Variants in HMCN2 observed in about 807,000 individuals in gnomAD.
HMCN2 encodes the protein hemicentin-2.
HMCN2 carries 325 observed loss-of-function variants against 377.5 expected under a neutral mutation model. That is an observed-to-expected ratio of 0.86 (90% CI 0.79 to 0.94). The LOEUF (loss-of-function observed/expected upper bound fraction) is 0.94. HMCN2 is among the 40% of genes least tolerant of loss of function. The probability of loss-of-function intolerance (pLI) is 0.00; values close to 1 mark genes in which losing one functional copy is unlikely to be tolerated. For missense variants in HMCN2, 4,543 were observed against 4,725.3 expected (o/e 0.96, Z 1.13); for synonymous variants, 2,007 against 2,046.8 (o/e 0.98, Z 0.53).
rs375618555 is a variant in HMCN2 at position 130,393,003 on chromosome 9, CAA to C, written c.10137-198_10137-197del. Among the ~76,000 whole-genome samples the C allele has an allele frequency of 1.5e-5, 2 of 137,006 alleles. No homozygotes were observed. The highest frequency in any genetic ancestry group is 7.3e-5 in the Admixed American group (1 of 13,608). 89.9% of individuals were successfully genotyped at this position (137,006 alleles called of 152,430 possible). ...AGAGTGAGACACCATCTCACCATCT[CAA>C]AAAAAAAAAAGAAAAAGAGAGAGTT... On this transcript the variant is annotated intron_variant, in intron 66 of 97. Transcript: ENST00000683500. The surrounding 1 kb of genome is among the most constrained non-coding windows in gnomAD (Gnocchi z 5.2).
intron 43 of HMCN2, among the ~76,000 whole-genome samples, chr9:130,367,941 C>CAAAAA (rs10565235): frequency 1.3e-5 from 1 of 75,500 alleles, no homozygotes; most frequent in Non-Finnish European, 2.5e-5. Context: ...GACTCTGTCT[C>CAAAAA]AAAAAAAAAA....
chr9:130,356,433 C>G (rs1246291412), intron 34 of HMCN2, among the ~76,000 whole-genome samples, 176 bp downstream of exon 34: 1 of 152,198 alleles, frequency 6.6e-6, no homozygotes, highest in African/African-American at 2.4e-5. Context: ...GGCCGGGCCA[C>G]TTATCACACT....
At chr9:130,328,354 A>G (rs1838257710) in intron 22 of HMCN2, among the ~76,000 whole-genome samples, 1 of 152,108 alleles carries the variant, frequency 6.6e-6, no homozygotes, top group Non-Finnish European at 1.5e-5. Context: ...CAGCTCCCCT[A>G]GAAAGCCCGG....
Position 130,375,575 on chromosome 9 carries a change from T to C in HMCN2, c.7643T>C (p.Ile2548Thr), listed in dbSNP as rs1841330052. The C allele has an allele frequency of 1.0e-6, 1 of 985,704 alleles. No individual in the cohort carries two copies. The highest frequency in any genetic ancestry group is 4.7e-5 in the South Asian group (1 of 21,286). The allele number at this position is 985,704 out of a possible 1,614,324, so 61.1% of individuals were successfully genotyped here. A position where few individuals can be genotyped will look rare whatever the true frequency, so the allele number is the denominator to read the frequency against. The change falls in exon 50 of 98, where the codon ATC becomes ACC. Residue 2548 changes from isoleucine (I) to threonine (T), a missense_variant. Coordinates refer to ENST00000683500, the MANE Select transcript of HMCN2 (RefSeq NM_001291815.2). ...CCCCCCATCACAGTGGCTCCCACCA[T>C]CCTGGGAGGGGCCGAGGACAGTGCA... ...FQLSVLLAPT[I>T]LGGAEDSADE...
intron 81 of HMCN2, among the ~76,000 whole-genome samples, chr9:130,405,351 A>G (rs1843041995): frequency 6.6e-6 from 1 of 152,204 alleles, no homozygotes; most frequent in Non-Finnish European, 1.5e-5. Flanking sequence ...CTGAAAGTCT[A>G]CCCAGTTGTT....
chr9:130,372,116 C>A (rs189474589), intron 46 of HMCN2, among the ~76,000 whole-genome samples, 178 bp from the exon 47 acceptor site: 1 of 152,356 alleles, frequency 6.6e-6, no homozygotes, highest in African/African-American at 2.4e-5. Context: ...CAGGCAGTTC[C>A]ATCCATTTGT....
chr9:130,373,116 A>G lies in HMCN2; in HGVS notation c.7430A>G (p.Asn2477Ser), dbSNP rs897503159. Reference sequence around the variant, plus strand: ...GGACAGACTGCCCATCTTATGTGCAACGTCACAGGTAAGGGCCACATGATG... The same window carrying G: ...GGACAGACTGCCCATCTTATGTGCAGCGTCACAGGTAAGGGCCACATGATG... ...LDGQTAHLMC[N>S]VTGHPQPKLT... is the part of the protein sequence containing the mutation. The change falls in exon 48 of 98, where the codon AAC (asparagine) becomes AGC (serine). Residue 2477 changes from asparagine to serine, a missense_variant. By Grantham distance (46) the Asn-to-Ser change is conservative (BLOSUM62 1). Coordinates refer to ENST00000683500, the MANE Select transcript of HMCN2 (RefSeq NM_001291815.2). 12 of 981,370 alleles carry G rather than the reference A, an allele frequency of 1.2e-5. No individual in the cohort carries two copies. The highest frequency in any genetic ancestry group is 1.2e-5 in the Non-Finnish European group (10 of 826,240). 60.8% of individuals were successfully genotyped at this position (981,370 alleles called of 1,614,324 possible).
At chr9:130,431,087 G>A (rs1480460539) in intron 95 of HMCN2, 3 of 535,636 alleles carry the variant, frequency 5.6e-6, no homozygotes, top group South Asian at 2.3e-5. Context: ...CAGGGCTGAT[G>A]CCTCGGCATT....
In HMCN2 at chr9:130,330,355, C is replaced by T. The variant is rs968807611; in HGVS notation, c.3359+2880C>T. ...AGATGTGCTGAGCCTCTGCGGCCCC[C>T]TCCATTCCCCTTGTCCAGGGGTGGC... On this transcript the variant is annotated intron_variant, in intron 22 of 97. Transcript: ENST00000683500. Among the ~76,000 whole-genome samples, 776 of 152,288 alleles carry T rather than the reference C, an allele frequency of 5.1e-3. 13 individuals carry two copies. The highest frequency in any genetic ancestry group is 0.017 in the African/African-American group (722 of 41,566).
At position 130,397,108 on chromosome 9, in the gene HMCN2, T is replaced by A. The variant is rs1434844787; in HGVS notation, c.11199-420T>A. On this transcript the variant is annotated intron_variant, in intron 73 of 97. Coordinates refer to ENST00000683500, the MANE Select transcript of HMCN2 (RefSeq NM_001291815.2). ...AAAGACATACCTGAGACTGGGCAATTTACAAAAGAAAGAGGTTTATTGGAC... is the reference window on the plus strand; with the variant it reads ...AAAGACATACCTGAGACTGGGCAATATACAAAAGAAAGAGGTTTATTGGAC... 3.9e-5 allele frequency among the ~76,000 whole-genome samples: 6 copies of A among 152,260 alleles called. No individual in the cohort carries two copies. The East Asian group carries it at 1.2e-3, about 29-fold the overall frequency.
chr9:130,423,876 A>G lies in HMCN2; in HGVS notation c.13382-900A>G, dbSNP rs1312376571. Among the ~76,000 whole-genome samples the G allele has an allele frequency of 1.3e-5, 2 of 152,226 alleles. No homozygotes were observed. Among genetic ancestry groups the G allele is most frequent in the African/African-American group, 4.8e-5 (2 of 41,454 alleles). On this transcript the variant is annotated intron_variant, in intron 87 of 97. Coordinates refer to ENST00000683500, the MANE Select transcript of HMCN2 (RefSeq NM_001291815.2). The surrounding 1 kb of genome is among the most constrained non-coding windows in gnomAD (Gnocchi z 5.5). ...TGGTTCACTTCAACTCAGCAAATATATAATGACAGTCTGTGGAGTCCCTGG... is the reference window on the plus strand; with the variant it reads ...TGGTTCACTTCAACTCAGCAAATATGTAATGACAGTCTGTGGAGTCCCTGG...
intron 15 of HMCN2, among the ~76,000 whole-genome samples, chr9:130,312,486 T>C (rs1374110783): frequency 2.7e-5 from 4 of 146,622 alleles, no homozygotes; most frequent in Non-Finnish European, 6.0e-5. Flanking sequence ...CCTTTCTTTC[T>C]CTCTCTCTCT....
At chr9:130,417,980 G>A (rs2131781789) in intron 85 of HMCN2, among the ~76,000 whole-genome samples, 1 of 152,302 alleles carries the variant, frequency 6.6e-6, no homozygotes, top group Admixed American at 6.5e-5. Context: ...AAGTGGACAG[G>A]AAGCATCATC....
intron 77 of HMCN2, among the ~76,000 whole-genome samples, chr9:130,401,978 G>T (rs1221983695): frequency 6.6e-6 from 1 of 152,200 alleles, no homozygotes; most frequent in Non-Finnish European, 1.5e-5. Flanking sequence ...TTGGGAGGCT[G>T]AGGTGGGAGG....
Position 130,360,558 on chromosome 9 carries a change from CA to C in HMCN2, c.5906del (p.Asn1969MetfsTer38). 7.7e-7 allele frequency: 1 copy of C among 1,304,168 alleles called. No homozygotes were observed. Among genetic ancestry groups the C allele is most frequent in the Non-Finnish European group, 1.0e-6 (1 of 988,880 alleles). The allele number at this position is 1,304,168 out of a possible 1,614,324, so 80.8% of individuals were successfully genotyped here. A position where few individuals can be genotyped will look rare whatever the true frequency, so the allele number is the denominator to read the frequency against. On this transcript the variant is annotated frameshift_variant, in exon 38 of 98. Transcript: ENST00000683500. LOFTEE classifies it high-confidence loss of function. This position sits in a 1 kb window ranked among gnomAD's most constrained non-coding sequence, Gnocchi z 4.7. ...DAGSYRCVAS[N>X]VAGSTELRYG... ...CTGGGAGCTACCGCTGTGTGGCATC[CA>C]ATGTGGCAGGTAGCACAGAGCTGCG... is the stretch of plus-strand genomic sequence containing the variant.
In HMCN2 at chr9:130,385,603, G is replaced by A. The variant is rs1008862083; in HGVS notation, c.9150G>A (p.Ala3050=). The A allele has an allele frequency of 4.4e-5, 57 of 1,304,104 alleles. No homozygotes were observed. The highest frequency in any genetic ancestry group is 5.8e-5 in the Non-Finnish European group (57 of 988,916). The allele number at this position is 1,304,104 out of a possible 1,614,324, so 80.8% of individuals were successfully genotyped here. A position where few individuals can be genotyped will look rare whatever the true frequency, so the allele number is the denominator to read the frequency against. Residue 3050 remains alanine (A), a synonymous_variant, in exon 60 of 98, where the codon GCG becomes GCA. Transcript: ENST00000683500. ...FRQAPRGPQD[A]VLVRVGDKAV... ...AGGCTCCCAGAGGTCCCCAGGATGC[G>A]GTCCTGGTGAGGGTCGGGGACAAAG...
intron 85 of HMCN2, among the ~76,000 whole-genome samples, chr9:130,413,631 T>C (rs1843532724): frequency 6.6e-6 from 1 of 152,188 alleles, no homozygotes; most frequent in South Asian, 2.1e-4. Context: ...AGGAGCAGCA[T>C]GGTGGTGAAT....
chr9:130,407,599 C>T lies in HMCN2; in HGVS notation c.12582C>T (p.Ser4194=). ...TEGVSEQDGG[S]TLQRAAVSRE... The stretch of plus-strand genomic sequence containing the variant: ...GGGTGTCTGAGCAGGATGGAGGCAG[C>T]ACGCTGCAGCGGGCCGCTGTCTCCA... Residue 4194 remains serine, a synonymous_variant, in exon 83 of 98, where the codon AGC becomes AGT. Coordinates refer to ENST00000683500, the MANE Select transcript of HMCN2 (RefSeq NM_001291815.2). The T allele has an allele frequency of 7.8e-7, 1 of 1,289,344 alleles. No individual in the cohort carries two copies. Among genetic ancestry groups the T allele is most frequent in the Non-Finnish European group, 1.0e-6 (1 of 988,608 alleles). The allele number at this position is 1,289,344 out of a possible 1,614,324, so 79.9% of individuals were successfully genotyped here.
chr9:130,369,994 C>T lies in HMCN2; in HGVS notation c.7069+143C>T. 2.6e-6 allele frequency: 1 copy of T among 383,356 alleles called. No individual in the cohort carries two copies. The highest frequency in any genetic ancestry group is 3.6e-6 in the Non-Finnish European group (1 of 279,372). The allele number at this position is 383,356 out of a possible 1,614,324, so 23.7% of individuals were successfully genotyped here. A position where few individuals can be genotyped will look rare whatever the true frequency, so the allele number is the denominator to read the frequency against. On this transcript the variant is annotated intron_variant, in intron 45 of 97. Transcript: ENST00000683500. This position sits in a 1 kb window ranked among gnomAD's most constrained non-coding sequence, Gnocchi z 4.5. ...GGAGTCAGGGCTCTAATGAGAGCTGCTGGTGGGGGGAGCCACCAACACTGC... is the reference window on the plus strand; with the variant it reads ...GGAGTCAGGGCTCTAATGAGAGCTGTTGGTGGGGGGAGCCACCAACACTGC...
Sources: gnomAD v4.1 joint callset for allele counts (sites outside exome capture counted in the v4.1 genomes callset) on GRCh38, gnomAD v4.1.1 for gene constraint, Gnocchi (gnomAD v3.1) non-coding constraint, MANE v1.5 for transcripts, NCBI Gene and HGNC (gene_info 2026-07-23, HGNC 2026-07-21) for gene names.